The following AGPAT3 variants were observed in gnomAD, a reference collection of about 807,000 sequenced individuals.
AGPAT3 encodes 1-acylglycerol-3-phosphate O-acyltransferase 3.
A neutral mutation model predicts 47.3 loss-of-function variants in AGPAT3; 5 were observed. That is an observed-to-expected ratio of 0.11 (90% CI 0.06 to 0.22). The LOEUF (loss-of-function observed/expected upper bound fraction) is 0.22. Ranked by LOEUF, AGPAT3 falls within the 10% of genes least tolerant of loss-of-function variation. The pLI is 1.00. For missense variants in AGPAT3, 315 were observed against 493.0 expected (o/e 0.64, Z 3.42); for synonymous variants, 212 against 208.3 (o/e 1.02, Z -0.15).
chr21:43,943,456 A>G (rs1473081678), intron 2 of AGPAT3, among the ~76,000 whole-genome samples: 1 of 152,284 alleles, frequency 6.6e-6, no homozygotes, highest in East Asian at 1.9e-4. Flanking sequence ...CACCTACTGT[A>G]TACCAGGCAC....
chr21:43,958,563 G>A (rs907845406), intron 2 of AGPAT3, among the ~76,000 whole-genome samples: 8 of 151,058 alleles, frequency 5.3e-5, no homozygotes, highest in Non-Finnish European at 7.4e-5. Flanking sequence ...TGTGTGGTGC[G>A]TGTGGCGTGT....
At chr21:43,940,295 C>G (rs953908329) in intron 2 of AGPAT3, among the ~76,000 whole-genome samples, 2 of 152,264 alleles carry the variant, frequency 1.3e-5, no homozygotes, top group Non-Finnish European at 2.9e-5. Flanking sequence ...ATCTGTGTGG[C>G]CCTGCTGGCG....
intron 2 of AGPAT3, among the ~76,000 whole-genome samples, chr21:43,949,981 T>C (rs1237169379): frequency 2.0e-5 from 3 of 152,158 alleles, no homozygotes; most frequent in African/African-American, 7.2e-5. Flanking sequence ...GCCCTTCCCC[T>C]AAACTTCCAG....
intron 7 of AGPAT3, among the ~76,000 whole-genome samples, chr21:43,974,590 G>T (rs754120493): frequency 1.3e-5 from 2 of 150,798 alleles, no homozygotes; most frequent in Non-Finnish European, 3.0e-5. Context: ...AATCGTGAGG[G>T]TGGTGTGTGT....
At position 43,924,190 on chromosome 21, in the gene AGPAT3, ATT is replaced by A. The variant is rs35611407; in HGVS notation, c.-49+20186_-49+20187del. 7.3e-3 allele frequency among the ~76,000 whole-genome samples: 1,037 copies of A among 141,814 alleles called. 5 individuals carry two copies. The highest frequency in any genetic ancestry group is 0.012 in the Admixed American group (170 of 14,416). 93.0% of individuals were successfully genotyped at this position (141,814 alleles called of 152,430 possible). On this transcript the variant is annotated intron_variant, in intron 2 of 9. Coordinates refer to ENST00000291572, the MANE Select transcript of AGPAT3 (RefSeq NM_020132.5). ...CAGCACGCCTGCCTAATTTTTTTGT[ATT>A]TTTTTTTTTTTTTTAGCAGAGACGG... is the stretch of plus-strand genomic sequence containing the variant.
At position 43,939,042 on chromosome 21, in the gene AGPAT3, G is replaced by A. The variant is rs116116961; in HGVS notation, c.-48-20592G>A. Among the ~76,000 whole-genome samples the A allele has an allele frequency of 0.018, 2,815 of 152,320 alleles. 66 individuals carry two copies. The highest frequency in any genetic ancestry group is 0.063 in the African/African-American group (2,632 of 41,560). ...CTCTCAGTCCACAGTTTCCCACAGA[G>A]CACGCAGGGGCCGCACCAGGGCTGG... is the stretch of plus-strand genomic sequence containing the variant. On this transcript the variant is annotated intron_variant, in intron 2 of 9. Coordinates refer to ENST00000291572, the MANE Select transcript of AGPAT3 (RefSeq NM_020132.5). This position sits in a 1 kb window ranked among gnomAD's most constrained non-coding sequence, Gnocchi z 4.4.
In AGPAT3 at chr21:43,981,057, G is replaced by C; in HGVS notation, c.912G>C (p.Arg304Ser). ...GGGAGCAGTTTAAGCCTGCCCGGAG[G>C]CCGTGGACCCTCCTGAACTTCCTGT... Reference protein sequence around the residue: ...FPGEQFKPARRPWTLLNFLSW... With the variant: ...FPGEQFKPARSPWTLLNFLSW... The change falls in exon 9 of 10, where the codon AGG becomes AGC. Residue 304 changes from arginine (R) to serine (S), a missense_variant. Coordinates refer to ENST00000291572, the MANE Select transcript of AGPAT3 (RefSeq NM_020132.5). This position sits in a 1 kb window ranked among gnomAD's most constrained non-coding sequence, Gnocchi z 5.3. 2 of 1,614,196 alleles carry C rather than the reference G, an allele frequency of 1.2e-6. No individual in the cohort carries two copies. The highest frequency in any genetic ancestry group is 1.7e-6 in the Non-Finnish European group (2 of 1,180,036).
chr21:43,868,783 A>T (rs181635705), intron 1 of AGPAT3, among the ~76,000 whole-genome samples: 1 of 152,174 alleles, frequency 6.6e-6, no homozygotes. Context: ...TGCTTACCTT[A>T]TTATTTTATA....
chr21:43,912,853 C>T (rs2086656217), intron 2 of AGPAT3, among the ~76,000 whole-genome samples: 1 of 152,204 alleles, frequency 6.6e-6, no homozygotes, highest in African/African-American at 2.4e-5. Context: ...ACGAGGCTGG[C>T]CTTTAACTAC....
chr21:43,912,290 T>C (rs1476131062), intron 2 of AGPAT3, among the ~76,000 whole-genome samples: 2 of 152,240 alleles, frequency 1.3e-5, no homozygotes, highest in Non-Finnish European at 2.9e-5. Context: ...GTGGGGCACA[T>C]GTGAGCCACG....
rs2087314714 is a variant in AGPAT3 at position 43,933,157 on chromosome 21, T to G, written c.-48-26477T>G. ...GCTTCGATTTGCTTCTCCCTGATGG[T>G]TAATAATGCCGAACAGCTCTTCGTT... On this transcript the variant is annotated intron_variant, in intron 2 of 9. Transcript: ENST00000291572. This position sits in a 1 kb window ranked among gnomAD's most constrained non-coding sequence, Gnocchi z 6.0. Among the ~76,000 whole-genome samples the G allele has an allele frequency of 6.6e-6, 1 of 152,198 alleles. No homozygotes were observed.
chr21:43,899,912 T>A (rs1192188095), intron 1 of AGPAT3, among the ~76,000 whole-genome samples: 6 of 151,914 alleles, frequency 3.9e-5, no homozygotes, highest in Non-Finnish European at 5.9e-5. Context: ...AGAGGAGGAG[T>A]GTCTCAGGTG....
chr21:43,915,794 T>TA (rs1027510124), intron 2 of AGPAT3, among the ~76,000 whole-genome samples: 2 of 152,122 alleles, frequency 1.3e-5, no homozygotes, highest in Admixed American at 6.5e-5. Flanking sequence ...CTATTAAGAT[T>TA]AAAAAAAATT....
At position 43,933,839 on chromosome 21, in the gene AGPAT3, G is replaced by A. The variant is rs891067436; in HGVS notation, c.-48-25795G>A. Among the ~76,000 whole-genome samples the A allele has an allele frequency of 3.9e-5, 6 of 152,120 alleles. No homozygotes were observed. The highest frequency in any genetic ancestry group is 2.1e-4 in the South Asian group (1 of 4,824). ...AGGACGGCACTCCCGCGCCTGCCACGAGCCTCACGTGGAGAGTGGACAGTG... is the reference window on the plus strand; with the variant it reads ...AGGACGGCACTCCCGCGCCTGCCACAAGCCTCACGTGGAGAGTGGACAGTG... On this transcript the variant is annotated intron_variant, in intron 2 of 9. Coordinates refer to ENST00000291572, the MANE Select transcript of AGPAT3 (RefSeq NM_020132.5). This position sits in a 1 kb window ranked among gnomAD's most constrained non-coding sequence, Gnocchi z 6.0.
chr21:43,987,155 C>G lies in AGPAT3; in HGVS notation c.*4763C>G, dbSNP rs1489733632. Among the ~76,000 whole-genome samples, 1 of 152,274 alleles carries G rather than the reference C, an allele frequency of 6.6e-6. No homozygotes were observed. The highest frequency in any genetic ancestry group is 1.5e-5 in the Non-Finnish European group (1 of 68,052). On this transcript the variant is annotated 3_prime_UTR_variant, in exon 10 of 10. Transcript: ENST00000291572. The stretch of plus-strand genomic sequence containing the variant: ...AGAGAAAGCGACTCCGTGCCTCCTT[C>G]TGTTTCTTCGTTTCCAGTCTGCATA...
intron 2 of AGPAT3, among the ~76,000 whole-genome samples, chr21:43,928,225 A>G (rs901342882): frequency 1.3e-5 from 2 of 152,228 alleles, no homozygotes; most frequent in South Asian, 2.1e-4. Context: ...TTTCAACTCC[A>G]GCCACAGGGG....
chr21:43,957,268 C>T (rs1399295140), intron 2 of AGPAT3, among the ~76,000 whole-genome samples: 1 of 152,092 alleles, frequency 6.6e-6, no homozygotes, highest in Non-Finnish European at 1.5e-5. Flanking sequence ...GGTGGGCGCC[C>T]ATGGAGAGCC....
intron 1 of AGPAT3, among the ~76,000 whole-genome samples, chr21:43,887,637 G>A (rs890946917): frequency 6.6e-6 from 1 of 152,164 alleles, no homozygotes; most frequent in Non-Finnish European, 1.5e-5. Context: ...TCTAATATAG[G>A]TAGTTGTATA....
In AGPAT3 at chr21:43,933,338, G is replaced by A. The variant is rs985543960; in HGVS notation, c.-48-26296G>A. 1.3e-5 allele frequency among the ~76,000 whole-genome samples: 2 copies of A among 152,148 alleles called. No individual in the cohort carries two copies. Among genetic ancestry groups the A allele is most frequent in the African/African-American group, 2.4e-5 (1 of 41,432 alleles). On this transcript the variant is annotated intron_variant, in intron 2 of 9. Coordinates refer to ENST00000291572, the MANE Select transcript of AGPAT3 (RefSeq NM_020132.5). This position sits in a 1 kb window ranked among gnomAD's most constrained non-coding sequence, Gnocchi z 6.0. The stretch of plus-strand genomic sequence containing the variant: ...CAGGGTTTTCTCTCCCTTGCGGGTC[G>A]TCTCTTTACCCTGTCGTTCCCTTTG...
Sources: allele counts gnomAD v4.1 joint callset (sites outside exome capture counted in the v4.1 genomes callset), GRCh38; gene constraint gnomAD v4.1.1; non-coding constraint Gnocchi (gnomAD v3.1); transcripts MANE v1.5; gene names NCBI Gene and HGNC (gene_info 2026-07-23, HGNC 2026-07-21).